The following RNF6 variants were observed in gnomAD, a reference collection of about 807,000 sequenced individuals.
RNF6 encodes E3 ubiquitin-protein ligase RNF6.
A neutral mutation model predicts 50.1 loss-of-function variants in RNF6; 21 were observed. The observed-to-expected ratio is 0.42, with a 90% CI of 0.30 to 0.60. The LOEUF is 0.60. RNF6 is among the 20% of genes least tolerant of loss of function. The pLI, the probability that RNF6 is intolerant of heterozygous loss-of-function variation, is 0.20. For missense variants in RNF6, 698 were observed against 838.2 expected, an observed-to-expected ratio of 0.83 and a Z score of 2.07; for synonymous variants, 255 against 291.8, an observed-to-expected ratio of 0.87 and a Z score of 1.29.
In RNF6 at chr13:26,218,210, TAGAAAAAGTAATGTGTACATTCC is replaced by T. The variant is rs550832611; in HGVS notation, c.289+278_289+300del. Among the ~76,000 whole-genome samples, 27 of 152,316 alleles carry T rather than the reference TAGAAAAAGTAATGTGTACATTCC, an allele frequency of 1.8e-4. No homozygotes were observed. The East Asian group carries it at 4.8e-3, about 27-fold the overall frequency. ...TTTTAGAAGCTAAGTAATATCACTT[TAGAAAAAGTAATGTGTACATTCC>T]AAGATTAAAAAGAAGCATGCTGGGA... On this transcript the variant is annotated intron_variant, in intron 4 of 4. Coordinates refer to ENST00000381588, the MANE Select transcript of RNF6 (RefSeq NM_005977.4).
downstream of RNF6, among the ~76,000 whole-genome samples, chr13:26,211,452 G>A (rs781218128): frequency 6.6e-6 from 1 of 151,984 alleles, no homozygotes; most frequent in Non-Finnish European, 1.5e-5. Flanking sequence ...ACTTCCTGAG[G>A]AATATCCCAT....
chr13:26,222,654 C>CT (rs1870634114), upstream of RNF6: 1 of 152,344 alleles, frequency 6.6e-6, no homozygotes, highest in Non-Finnish European at 1.5e-5. Context: ...TGAAGTCTGT[C>CT]TGTCTGTCTA....
chr13:26,187,155 C>T (rs1873592732), intron 5 of RNF6, among the ~76,000 whole-genome samples: 1 of 45,996 alleles, frequency 2.2e-5, no homozygotes, highest in Non-Finnish European at 9.4e-5. Flanking sequence ...TTTCTGCCAT[C>T]AGTGGGGCCA....
chr13:26,213,912 T>C lies in RNF6; in HGVS notation c.1970A>G (p.His657Arg), dbSNP rs1458861921. 1 of 1,613,976 alleles carries C rather than the reference T, an allele frequency of 6.2e-7. No homozygotes were observed. The highest frequency in any genetic ancestry group is 8.5e-7 in the Non-Finnish European group (1 of 1,179,980). The change falls in exon 5 of 5, where the codon CAT becomes CGT. Residue 657 changes from histidine (H) to arginine (R), a missense_variant. By Grantham distance (29) the His-to-Arg change is conservative. Coordinates refer to ENST00000381588, the MANE Select transcript of RNF6 (RefSeq NM_005977.4). Reference protein sequence around the residue: ...QLPCMHEFHIHCIDRWLSENC... With the variant: ...QLPCMHEFHIRCIDRWLSENC... Reference sequence around the variant, plus strand: ...CTCTGAGAGCCATCGGTCAATACAATGAATGTGAAATTCATGCATGCAAGG... The same window carrying C: ...CTCTGAGAGCCATCGGTCAATACAACGAATGTGAAATTCATGCATGCAAGG...
intron 5 of RNF6, among the ~76,000 whole-genome samples, chr13:26,206,670 C>T (rs928568560): frequency 1.4e-4 from 22 of 152,124 alleles, no homozygotes; most frequent in African/African-American, 5.3e-4. Context: ...GAAAATCTTA[C>T]AAACAAGCTT....
At chr13:26,174,548 C>T (rs559918336) in intron 5 of RNF6, among the ~76,000 whole-genome samples, 1 of 151,792 alleles carries the variant, frequency 6.6e-6, no homozygotes, top group South Asian at 2.1e-4. Flanking sequence ...CCCAGCTACT[C>T]AGAGGCCCAG....
At chr13:26,181,241 G>A (rs1168234832) in intron 5 of RNF6, among the ~76,000 whole-genome samples, 1 of 152,120 alleles carries the variant, frequency 6.6e-6, no homozygotes, top group Non-Finnish European at 1.5e-5. Context: ...TCTGCCTGGG[G>A]TACTACAATG....
At chr13:26,155,217 T>C (rs1342386312) in intron 5 of RNF6, among the ~76,000 whole-genome samples, 1 of 151,768 alleles carries the variant, frequency 6.6e-6, no homozygotes, top group Non-Finnish European at 1.5e-5. Flanking sequence ...TGCAGTAAGC[T>C]ACGATCATGC....
chr13:26,174,716 C>T (rs908146184), intron 5 of RNF6, among the ~76,000 whole-genome samples: 2 of 152,248 alleles, frequency 1.3e-5, no homozygotes, highest in African/African-American at 4.8e-5. Flanking sequence ...CTGAATGTTG[C>T]CACTCGGCAC....
chr13:26,157,105 A>G (rs1871967403), intron 5 of RNF6, among the ~76,000 whole-genome samples: 1 of 152,134 alleles, frequency 6.6e-6, no homozygotes, highest in African/African-American at 2.4e-5. Context: ...GTATGGGTAT[A>G]GGGTTTCTTG....
chr13:26,140,894 C>T (rs1003814086), intron 5 of RNF6, among the ~76,000 whole-genome samples: 2 of 152,114 alleles, frequency 1.3e-5, no homozygotes, highest in African/African-American at 4.8e-5. Flanking sequence ...GCTGTACACA[C>T]ACAAAAATAC....
intron 5 of RNF6, among the ~76,000 whole-genome samples, chr13:26,181,361 C>A (rs1040428742): frequency 2.0e-5 from 3 of 152,226 alleles, no homozygotes; most frequent in Non-Finnish European, 4.4e-5. Context: ...GCCGATCAGG[C>A]GTCTGTCTTG....
chr13:26,157,198 C>T (rs1455134464), intron 5 of RNF6, among the ~76,000 whole-genome samples: 1 of 151,936 alleles, frequency 6.6e-6, no homozygotes, highest in South Asian at 2.1e-4. Context: ...AAACTGTACA[C>T]TTTAAATTGG....
rs1441965380 is a variant in RNF6 at position 26,222,035 on chromosome 13, C to T, written c.-134G>A. ...GGTCTTGGGCCTTCGCCCTCCTGTC[C>T]GGAGAACGTGTGCTGTGGGCGGCCG... On this transcript the variant is annotated 5_prime_UTR_variant, in exon 1 of 5. Transcript: ENST00000381588. 6.6e-6 allele frequency: 1 copy of T among 152,300 alleles called. No homozygotes were observed. Among genetic ancestry groups the T allele is most frequent in the East Asian group, 1.9e-4 (1 of 5,190 alleles). 9.4% of individuals were successfully genotyped at this position (152,300 alleles called of 1,614,324 possible). A position where few individuals can be genotyped will look rare whatever the true frequency, so the allele number is the denominator to read the frequency against.
At chr13:26,193,685 A>T (rs1868549851) in intron 5 of RNF6, among the ~76,000 whole-genome samples, 1 of 152,208 alleles carries the variant, frequency 6.6e-6, no homozygotes, top group South Asian at 2.1e-4. Flanking sequence ...GAGAGTTTTT[A>T]AAATACCCTT....
intron 5 of RNF6, among the ~76,000 whole-genome samples, chr13:26,144,204 C>T (rs992018126): frequency 6.6e-6 from 1 of 152,056 alleles, no homozygotes. Context: ...CCATGCATAA[C>T]CTCCATCCCT....
chr13:26,158,218 G>A (rs1291310943), intron 5 of RNF6, among the ~76,000 whole-genome samples: 2 of 152,114 alleles, frequency 1.3e-5, no homozygotes, highest in African/African-American at 4.8e-5. Flanking sequence ...ACACAGTTTC[G>A]ATGGTTTGAG....
At chr13:26,188,366 A>G (rs1294889734) in intron 5 of RNF6, among the ~76,000 whole-genome samples, 1 of 152,212 alleles carries the variant, frequency 6.6e-6, no homozygotes, top group African/African-American at 2.4e-5. Flanking sequence ...TGTGGCACAG[A>G]GGAAGGGCAA....
At chr13:26,173,953 A>AC (rs1474056321) in intron 5 of RNF6, among the ~76,000 whole-genome samples, 1 of 151,640 alleles carries the variant, frequency 6.6e-6, no homozygotes, top group Admixed American at 6.6e-5. Flanking sequence ...CCGTCTCAAA[A>AC]AAAAAAAAAA....
Sources: gnomAD v4.1 joint callset for allele counts (sites outside exome capture counted in the v4.1 genomes callset) on GRCh38, gnomAD v4.1.1 for gene constraint, MANE v1.5 for transcripts, NCBI Gene and HGNC (gene_info 2026-07-23, HGNC 2026-07-21) for gene names.